The following ATG10 variants were observed in gnomAD, a reference collection of about 807,000 sequenced individuals.
ATG10 encodes the protein autophagy related 10, also known as ubiquitin-like-conjugating enzyme ATG10.
Under a neutral mutation model 32.1 loss-of-function variants are expected in ATG10, and 30 were observed. That is an observed-to-expected ratio of 0.94 (90% CI 0.70 to 1.27). ATG10 has a LOEUF of 1.27. Ranked by LOEUF, ATG10 falls within the 50% of genes most tolerant of loss-of-function variation. The pLI is 0.00. For synonymous variants in ATG10, 87 were observed against 91.5 expected, an observed-to-expected ratio of 0.95 and a Z score of 0.28; for missense variants, 233 against 262.3, an observed-to-expected ratio of 0.89 and a Z score of 0.77.
At chr5:81,975,674 C>T (rs1760850039) in intron 1 of ATG10, among the ~76,000 whole-genome samples, 1 of 149,448 alleles carries the variant, frequency 6.7e-6, no homozygotes, top group African/African-American at 2.5e-5. Context: ...ATAGTGAGAC[C>T]CCCCTCTCAA....
At chr5:82,017,442 T>A (rs1472893725) in intron 2 of ATG10, among the ~76,000 whole-genome samples, 1 of 152,220 alleles carries the variant, frequency 6.6e-6, no homozygotes, top group East Asian at 1.9e-4. Context: ...CAGTACTATG[T>A]TAAATAGAAG....
At chr5:82,203,269 G>A (rs1745144911) in intron 5 of ATG10, among the ~76,000 whole-genome samples, 1 of 151,802 alleles carries the variant, frequency 6.6e-6, no homozygotes, top group African/African-American at 2.4e-5. Flanking sequence ...CACCTTTCCA[G>A]GTTGTCTGGC....
chr5:82,120,545 T>G (rs757766977), intron 3 of ATG10, among the ~76,000 whole-genome samples: 9 of 152,334 alleles, frequency 5.9e-5, no homozygotes, highest in African/African-American at 1.9e-4. Flanking sequence ...AGGATGGAAG[T>G]GACTTGATTA....
intron 2 of ATG10, among the ~76,000 whole-genome samples, chr5:82,017,225 G>A (rs1480787905): frequency 6.6e-6 from 1 of 151,454 alleles, no homozygotes; most frequent in African/African-American, 2.4e-5. Flanking sequence ...GGCTGCTGTT[G>A]GTGTATAGCA....
At chr5:82,158,942 A>G (rs1193130961) in intron 3 of ATG10, among the ~76,000 whole-genome samples, 1 of 152,166 alleles carries the variant, frequency 6.6e-6, no homozygotes, top group East Asian at 1.9e-4. Context: ...GCCTGAAACC[A>G]TAGATAATAC....
At chr5:82,192,892 C>T (rs923905636) in intron 5 of ATG10, among the ~76,000 whole-genome samples, 1 of 152,198 alleles carries the variant, frequency 6.6e-6, no homozygotes, top group Non-Finnish European at 1.5e-5. Flanking sequence ...AGTACATTTA[C>T]TTACCTACAT....
At chr5:82,101,870 G>A (rs1467381837) in intron 3 of ATG10, among the ~76,000 whole-genome samples, 3 of 152,210 alleles carry the variant, frequency 2.0e-5, no homozygotes, top group Middle Eastern at 3.4e-3. Flanking sequence ...AAGAGGTTTC[G>A]ATAAAATAAG....
intron 3 of ATG10, among the ~76,000 whole-genome samples, chr5:82,127,472 G>A (rs1353393189): frequency 2.6e-5 from 4 of 152,024 alleles, no homozygotes; most frequent in African/African-American, 7.2e-5. Flanking sequence ...CAGAGATTCT[G>A]GTACATTGTA....
chr5:82,027,065 A>G (rs1295795749), intron 2 of ATG10, among the ~76,000 whole-genome samples: 1 of 129,182 alleles, frequency 7.7e-6, no homozygotes, highest in Admixed American at 9.7e-5. Context: ...TCTCAGAAAA[A>G]TGAATAAATA....
chr5:82,164,394 T>C lies in ATG10; in HGVS notation c.217-5T>C, dbSNP rs1743492209. 6.2e-7 allele frequency: 1 copy of C among 1,613,284 alleles called. No individual in the cohort carries two copies. The highest frequency in any genetic ancestry group is 8.5e-7 in the Non-Finnish European group (1 of 1,179,848). Reference sequence around the variant, plus strand: ...CGTTTTCGTTTTGTTTTTGCTTTTTTTTAGGAGGCTTTCGAGCTACCCTTG... The same window carrying C: ...CGTTTTCGTTTTGTTTTTGCTTTTTCTTAGGAGGCTTTCGAGCTACCCTTG... On this transcript the variant is annotated splice_polypyrimidine_tract_variant and splice_region_variant and intron_variant, in intron 3 of 7. Transcript: ENST00000282185.
chr5:82,050,685 AG>A (rs1160932187), intron 2 of ATG10, among the ~76,000 whole-genome samples: 11 of 151,808 alleles, frequency 7.2e-5, no homozygotes, highest in African/African-American at 2.4e-4. Context: ...GCTGATTGAT[AG>A]AGACTATTTC....
chr5:82,066,704 A>C (rs1246436777), intron 3 of ATG10, among the ~76,000 whole-genome samples: 1 of 152,208 alleles, frequency 6.6e-6, no homozygotes, highest in Non-Finnish European at 1.5e-5. Flanking sequence ...CTTCTGAGGT[A>C]ACCAGGCCTT....
intron 2 of ATG10, among the ~76,000 whole-genome samples, chr5:82,000,660 C>CT (rs113046446): frequency 0.19 from 29,506 of 151,828 alleles, 3,227 homozygotes; most frequent in Middle Eastern, 0.29. Context: ...AGTAGCATTT[C>CT]TTTTTTTTGT....
chr5:82,084,626 C>T (rs1033109099), intron 3 of ATG10, among the ~76,000 whole-genome samples: 5 of 152,096 alleles, frequency 3.3e-5, no homozygotes, highest in East Asian at 1.9e-4. Context: ...AGACTAACAG[C>T]GGATCTCTCG....
At chr5:81,998,855 A>G (rs997845292) in intron 2 of ATG10, among the ~76,000 whole-genome samples, 1 of 152,210 alleles carries the variant, frequency 6.6e-6, no homozygotes, top group African/African-American at 2.4e-5. Context: ...AAAATATGTA[A>G]GTACCCACAC....
intron 3 of ATG10, chr5:82,078,536 C>T (rs972264089): frequency 6.6e-6 from 1 of 152,186 alleles, no homozygotes; most frequent in Non-Finnish European, 1.5e-5. Context: ...AACTGGGTGT[C>T]TTTGCTAAGT....
At chr5:82,042,433 G>A (rs985367217) in intron 2 of ATG10, among the ~76,000 whole-genome samples, 4 of 152,002 alleles carry the variant, frequency 2.6e-5, no homozygotes, top group South Asian at 2.1e-4. Flanking sequence ...AATCTAAACC[G>A]TATCATTCCA....
intron 4 of ATG10, among the ~76,000 whole-genome samples, chr5:82,177,244 A>T (rs1161270125): frequency 6.6e-6 from 1 of 152,180 alleles, no homozygotes; most frequent in African/African-American, 2.4e-5. Context: ...TAAAAGCAAA[A>T]TAATTTGCAC....
chr5:82,184,385 G>A (rs1177455993), intron 5 of ATG10, among the ~76,000 whole-genome samples: 1 of 152,080 alleles, frequency 6.6e-6, no homozygotes, highest in Non-Finnish European at 1.5e-5. Context: ...GGTAAACATA[G>A]TTATTTCAGT....
Sources: allele counts gnomAD v4.1 joint callset (sites outside exome capture counted in the v4.1 genomes callset), GRCh38; gene constraint gnomAD v4.1.1; transcripts MANE v1.5; gene names NCBI Gene and HGNC (gene_info 2026-07-23, HGNC 2026-07-21).